The following DCUN1D1 variants were observed in gnomAD, a reference collection of about 807,000 sequenced individuals.
The protein encoded by DCUN1D1 is defective in cullin neddylation 1 domain containing 1.
In DCUN1D1, 3 loss-of-function variants were observed where a neutral mutation model predicts 39.0. That is an observed-to-expected ratio of 0.08 (90% CI 0.04 to 0.20). The LOEUF (loss-of-function observed/expected upper bound fraction) is 0.20. Ranked by LOEUF, DCUN1D1 falls within the 10% of genes least tolerant of loss-of-function variation. DCUN1D1 has a pLI of 1.00. For missense variants in DCUN1D1, 158 were observed against 302.4 expected (o/e 0.52, Z 3.54); for synonymous variants, 82 against 96.3 (o/e 0.85, Z 0.87).
intron 3 of DCUN1D1, 60 bp from the exon 4 acceptor site, chr3:182,961,416 C>T: frequency 9.2e-6 from 13 of 1,411,290 alleles, no homozygotes; most frequent in Non-Finnish European, 1.2e-5. Flanking sequence ...TAATAACTTA[C>T]TTATTCCCAT....
At chr3:182,968,760 C>A (rs1727793583) in intron 1 of DCUN1D1, among the ~76,000 whole-genome samples, 1 of 152,020 alleles carries the variant, frequency 6.6e-6, no homozygotes, top group African/African-American at 2.4e-5. Context: ...CTGCTGCGCC[C>A]AGCTGATTTT....
chr3:182,951,130 C>A lies in DCUN1D1; in HGVS notation c.521-3498G>T, dbSNP rs1726709746. 2.0e-5 allele frequency: 3 copies of A among 148,306 alleles called. No individual in the cohort carries two copies. The Admixed American group carries it at 2.0e-4, about 10-fold the overall frequency. 9.2% of individuals were successfully genotyped at this position (148,306 alleles called of 1,614,324 possible). A position where few individuals can be genotyped will look rare whatever the true frequency, so the allele number is the denominator to read the frequency against. On this transcript the variant is annotated intron_variant, in intron 4 of 6. Coordinates refer to ENST00000292782, the MANE Select transcript of DCUN1D1 (RefSeq NM_020640.4). Reference sequence around the variant, plus strand: ...TCCTTCCAGGTTGTTCAATTCTGTTCTTTTCTTTACCAACTCAACATACAA... The same window carrying A: ...TCCTTCCAGGTTGTTCAATTCTGTTATTTTCTTTACCAACTCAACATACAA...
chr3:182,957,115 A>C (rs1391948741), intron 4 of DCUN1D1, among the ~76,000 whole-genome samples: 1 of 152,250 alleles, frequency 6.6e-6, no homozygotes, highest in Non-Finnish European at 1.5e-5. Flanking sequence ...GAAGTAATAA[A>C]GACAAAGATG....
intron 4 of DCUN1D1, chr3:182,956,231 T>C (rs1727056533): frequency 7.2e-6 from 2 of 279,338 alleles, no homozygotes; most frequent in Non-Finnish European, 1.5e-5. Flanking sequence ...CCAGTTGAAC[T>C]TGTCATTTTT....
At chr3:182,969,767 A>C (rs1009242785) in intron 1 of DCUN1D1, among the ~76,000 whole-genome samples, 2 of 152,200 alleles carry the variant, frequency 1.3e-5, no homozygotes, top group Admixed American at 6.5e-5. Flanking sequence ...GAGAAATGCT[A>C]TCTCTTGTAA....
chr3:182,984,021 T>C (rs1443245009), upstream of DCUN1D1, among the ~76,000 whole-genome samples: 1 of 152,252 alleles, frequency 6.6e-6, no homozygotes, highest in Non-Finnish European at 1.5e-5. Context: ...AGAGACCTGG[T>C]TGCACAATTC....
intron 4 of DCUN1D1, among the ~76,000 whole-genome samples, chr3:182,949,438 G>A (rs901367893): frequency 1.3e-5 from 2 of 152,042 alleles, no homozygotes; most frequent in Non-Finnish European, 2.9e-5. Context: ...ATCAATTATA[G>A]GCTGCATGCA....
At chr3:182,975,947 T>C (rs1207887670) in intron 1 of DCUN1D1, among the ~76,000 whole-genome samples, 1 of 150,442 alleles carries the variant, frequency 6.6e-6, no homozygotes, top group Non-Finnish European at 1.5e-5. Flanking sequence ...ACTAGTAGAG[T>C]GTACCTTCTC....
intron 4 of DCUN1D1, among the ~76,000 whole-genome samples, chr3:182,957,285 T>C (rs973542460): frequency 1.3e-5 from 2 of 152,220 alleles, no homozygotes; most frequent in Non-Finnish European, 2.9e-5. Context: ...TTAAATTTTA[T>C]AGAGGACTTA....
chr3:182,971,913 G>T (rs1174928925), intron 1 of DCUN1D1, among the ~76,000 whole-genome samples: 1 of 152,146 alleles, frequency 6.6e-6, no homozygotes, highest in Non-Finnish European at 1.5e-5. Context: ...GGAAAACTGT[G>T]AGCAATATTT....
At chr3:182,947,375 A>C in intron 5 of DCUN1D1, 41 bp from the exon 6 acceptor site, 1 of 1,377,236 alleles carries the variant, frequency 7.3e-7, no homozygotes, top group African/African-American at 1.5e-5. Context: ...GTATCACTAA[A>C]AAGAGCTGCA....
chr3:182,959,852 T>C (rs1261701906), intron 4 of DCUN1D1, among the ~76,000 whole-genome samples: 1 of 152,224 alleles, frequency 6.6e-6, no homozygotes, highest in Non-Finnish European at 1.5e-5. Context: ...GGCTTGGTGC[T>C]ATTCTCCTTT....
At chr3:182,973,665 G>A (rs925691574) in intron 1 of DCUN1D1, among the ~76,000 whole-genome samples, 4 of 151,982 alleles carry the variant, frequency 2.6e-5, no homozygotes, top group African/African-American at 9.7e-5. Flanking sequence ...AAATTAGCTG[G>A]GCATGGTGGC....
chr3:182,946,760 G>A (rs566730124), intron 6 of DCUN1D1, among the ~76,000 whole-genome samples: 1 of 152,156 alleles, frequency 6.6e-6, no homozygotes, highest in African/African-American at 2.4e-5. Flanking sequence ...GGAATTGAAG[G>A]AAACAGAAGA....
chr3:182,950,602 C>T (rs1468587083), intron 4 of DCUN1D1, among the ~76,000 whole-genome samples: 1 of 151,952 alleles, frequency 6.6e-6, no homozygotes, highest in African/African-American at 2.4e-5. Flanking sequence ...TACCCTTTTT[C>T]TCCTTCCCTT....
intron 6 of DCUN1D1, among the ~76,000 whole-genome samples, chr3:182,946,003 A>G (rs1726379665): frequency 6.6e-6 from 1 of 152,136 alleles, no homozygotes; most frequent in South Asian, 2.1e-4. Context: ...GACACTTTTA[A>G]ATGATTCCAG....
chr3:182,953,455 CT>C (rs1260073645), intron 4 of DCUN1D1, among the ~76,000 whole-genome samples: 1 of 152,166 alleles, frequency 6.6e-6, no homozygotes, highest in Non-Finnish European at 1.5e-5. Context: ...GAGTTTTAGT[CT>C]CTTAAACCCC....
At chr3:182,967,731 T>A (rs1577190044) in intron 1 of DCUN1D1, among the ~76,000 whole-genome samples, 2 of 152,330 alleles carry the variant, frequency 1.3e-5, no homozygotes, top group Admixed American at 1.3e-4. Flanking sequence ...GATTCTTCCC[T>A]TTTGAAAACT....
chr3:182,967,285 T>C (rs138313307), intron 1 of DCUN1D1, among the ~76,000 whole-genome samples: 3,319 of 151,882 alleles, frequency 0.022, 44 homozygotes, highest in South Asian at 0.069. Context: ...GTTAAGGCAT[T>C]TGTTCAAAAA....
Sources: gnomAD v4.1 joint callset for allele counts (sites outside exome capture counted in the v4.1 genomes callset) on GRCh38, gnomAD v4.1.1 for gene constraint, MANE v1.5 for transcripts, NCBI Gene and HGNC (gene_info 2026-07-23, HGNC 2026-07-21) for gene names.